The following CRAMP1 variants were observed in gnomAD, a reference collection of about 807,000 sequenced individuals.
CRAMP1 encodes the protein protein cramped-like.
Under a neutral mutation model 115.4 loss-of-function variants are expected in CRAMP1, and 50 were observed. That is an observed-to-expected ratio of 0.43 (90% CI 0.35 to 0.55). The LOEUF (loss-of-function observed/expected upper bound fraction) is 0.55. Ranked by LOEUF, CRAMP1 falls within the 20% of genes least tolerant of loss-of-function variation. CRAMP1 has a pLI of 0.01. For missense variants in CRAMP1, 1,679 were observed against 1,721.7 expected (o/e 0.98, Z 0.44); for synonymous variants, 866 against 745.4 (o/e 1.16, Z -2.64).
chr16:1,625,034 G>T (rs759521041), intron 2 of CRAMP1, among the ~76,000 whole-genome samples: 4 of 152,216 alleles, frequency 2.6e-5, no homozygotes, highest in South Asian at 4.1e-4. Flanking sequence ...GCCAGTTTTT[G>T]ATTTTTAAAG....
intron 4 of CRAMP1, among the ~76,000 whole-genome samples, chr16:1,633,342 C>A (rs571852657): frequency 6.6e-6 from 1 of 152,248 alleles, no homozygotes; most frequent in Admixed American, 6.5e-5. Flanking sequence ...CTGCCCACCA[C>A]GCAGCTAGCT....
At chr16:1,652,926 A>C (rs2036737190) in intron 7 of CRAMP1, 107 bp from the exon 8 acceptor site, 13 of 1,359,464 alleles carry the variant, frequency 9.6e-6, no homozygotes, top group Non-Finnish European at 1.3e-5. Flanking sequence ...CTCTGTTTGC[A>C]AGGCCATCTG....
At chr16:1,673,178 C>T (rs1328122070) in intron 20 of CRAMP1, among the ~76,000 whole-genome samples, 3 of 151,960 alleles carry the variant, frequency 2.0e-5, no homozygotes, top group Non-Finnish European at 4.4e-5. Context: ...AACGTGTCCC[C>T]CACCTGTCCT....
At chr16:1,663,588 A>G (rs981857449) in intron 13 of CRAMP1, among the ~76,000 whole-genome samples, 1 of 152,184 alleles carries the variant, frequency 6.6e-6, no homozygotes, top group Non-Finnish European at 1.5e-5. Context: ...AACTTTATAG[A>G]TAGAGAATTC....
At chr16:1,667,545 G>C (rs1032352817) in intron 17 of CRAMP1, 145 bp downstream of exon 17, 1 of 680,914 alleles carries the variant, frequency 1.5e-6, no homozygotes, top group Non-Finnish European at 2.6e-6. Context: ...CTGCTGTGCC[G>C]ACTGCCCAGG....
intron 3 of CRAMP1, among the ~76,000 whole-genome samples, chr16:1,630,718 T>C (rs1379109431): frequency 6.6e-6 from 1 of 152,190 alleles, no homozygotes; most frequent in Admixed American, 6.5e-5. Context: ...GGGTTTTTGT[T>C]TTTTGTTTGC....
chr16:1,625,370 A>G (rs192670258), intron 2 of CRAMP1, among the ~76,000 whole-genome samples: 25 of 152,230 alleles, frequency 1.6e-4, no homozygotes, highest in Middle Eastern at 3.4e-3. Context: ...AACTGATGCT[A>G]TAATAGGATT....
Position 1,673,865 on chromosome 16 carries a change from TCTC to T in CRAMP1, c.3646-12_3646-10del. 2 of 1,613,426 alleles carry T rather than the reference TCTC, an allele frequency of 1.2e-6. No homozygotes were observed. Among genetic ancestry groups the T allele is most frequent in the Non-Finnish European group, 1.7e-6 (2 of 1,179,598 alleles). On this transcript the variant is annotated splice_polypyrimidine_tract_variant and intron_variant, in intron 20 of 20. Coordinates refer to ENST00000397412, the MANE Select transcript of CRAMP1 (RefSeq NM_020825.4). Reference sequence around the variant, plus strand: ...AGGTCGCGGTGACTTGTTCTTCCTGTCTCCTCTTCCTGCAGGTTGTGGATTCCC... The same window carrying T: ...AGGTCGCGGTGACTTGTTCTTCCTGTCTCTTCCTGCAGGTTGTGGATTCCC...
In CRAMP1 at chr16:1,614,101, C is replaced by T. The variant is rs1330931827; in HGVS notation, c.-1-538C>T. ...GGGCAGGTGCGCGGGGCCCGGGAGC[C>T]CCGCGCCTTTCGGGGGGCGGGGAGG... On this transcript the variant is annotated intron_variant, in intron 1 of 20. Coordinates refer to ENST00000397412, the MANE Select transcript of CRAMP1 (RefSeq NM_020825.4). The surrounding 1 kb of genome is among the most constrained non-coding windows in gnomAD (Gnocchi z 4.4). 7.1e-6 allele frequency among the ~76,000 whole-genome samples: 1 copy of T among 141,626 alleles called. No individual in the cohort carries two copies. 92.9% of individuals were successfully genotyped at this position (141,626 alleles called of 152,430 possible). A position where few individuals can be genotyped will look rare whatever the true frequency, so the allele number is the denominator to read the frequency against.
chr16:1,613,160 T>C (rs150653898), intron 1 of CRAMP1, among the ~76,000 whole-genome samples: 2 of 152,034 alleles, frequency 1.3e-5, no homozygotes, highest in African/African-American at 2.4e-5. Flanking sequence ...AGAGGTGGGT[T>C]GAGGGGGAAG....
rs2142202012 is a variant in CRAMP1 at position 1,660,071 on chromosome 16, T to C, written c.2413+8T>C. On this transcript the variant is annotated splice_region_variant and intron_variant, in intron 11 of 20. Coordinates refer to ENST00000397412, the MANE Select transcript of CRAMP1 (RefSeq NM_020825.4). ...CTGCACCCTGCTCCTCAGGTGAGGCTGTGGCAGCCACACTCCTTGTGCCTG... is the reference window on the plus strand; with the variant it reads ...CTGCACCCTGCTCCTCAGGTGAGGCCGTGGCAGCCACACTCCTTGTGCCTG... 1 of 1,544,074 alleles carries C rather than the reference T, an allele frequency of 6.5e-7. No individual in the cohort carries two copies. Among genetic ancestry groups the C allele is most frequent in the Admixed American group, 2.1e-5 (1 of 48,742 alleles).
Position 1,674,221 on chromosome 16 carries a change from A to G in CRAMP1, c.*176A>G, listed in dbSNP as rs1017382459. 19 of 638,162 alleles carry G rather than the reference A, an allele frequency of 3.0e-5. No homozygotes were observed. The highest frequency in any genetic ancestry group is 5.9e-5 in the South Asian group (3 of 51,090). 39.5% of individuals were successfully genotyped at this position (638,162 alleles called of 1,614,324 possible). ...GCAGCAGGCAACGGCGTCCAAGGAG[A>G]CTAGGATGAGTTCTTGGCAAGGGCC... On this transcript the variant is annotated 3_prime_UTR_variant, in exon 21 of 21. Transcript: ENST00000397412.
chr16:1,647,303 C>T (rs983208186), intron 6 of CRAMP1, among the ~76,000 whole-genome samples: 4 of 152,198 alleles, frequency 2.6e-5, no homozygotes, highest in Admixed American at 6.5e-5. Flanking sequence ...AAGTTTATCA[C>T]GTGCTTATTA....
intron 18 of CRAMP1, among the ~76,000 whole-genome samples, chr16:1,668,771 A>G (rs1473015391): frequency 6.6e-6 from 1 of 152,144 alleles, no homozygotes; most frequent in Non-Finnish European, 1.5e-5. Flanking sequence ...GAGATGACTC[A>G]TGTGCAACCC....
chr16:1,615,123 G>A, intron 2 of CRAMP1, 138 bp downstream of exon 2: 1 of 423,490 alleles, frequency 2.4e-6, no homozygotes. Context: ...AATTTGGGTG[G>A]CACTTATGGG....
rs1029473214 is a variant in CRAMP1, at chr16:1,674,353, G to A, written c.*308G>A. 8.3e-6 allele frequency: 3 copies of A among 359,676 alleles called. No homozygotes were observed. Among genetic ancestry groups the A allele is most frequent in the Non-Finnish European group, 1.5e-5 (3 of 194,956 alleles). The allele number at this position is 359,676 out of a possible 1,614,324, so 22.3% of individuals were successfully genotyped here. Reference sequence around the variant, plus strand: ...CAGCCTGTGCTCTGCCTCGATTGTTGTGTTGGACATTCCGGTGGCATTTCC... The same window carrying A: ...CAGCCTGTGCTCTGCCTCGATTGTTATGTTGGACATTCCGGTGGCATTTCC... On this transcript the variant is annotated 3_prime_UTR_variant, in exon 21 of 21. Transcript: ENST00000397412.
chr16:1,614,278 CA>C lies in CRAMP1; in HGVS notation c.-1-360del. On this transcript the variant is annotated intron_variant, in intron 1 of 20. Coordinates refer to ENST00000397412, the MANE Select transcript of CRAMP1 (RefSeq NM_020825.4). This position sits in a 1 kb window ranked among gnomAD's most constrained non-coding sequence, Gnocchi z 4.4. ...AGCGGCCCGGACCCGCAACCGTGCC[CA>C]GACCCGCGCCCGCGCCGGGGCTCCC... 6.9e-6 allele frequency among the ~76,000 whole-genome samples: 1 copy of C among 145,376 alleles called. No individual in the cohort carries two copies. Among genetic ancestry groups the C allele is most frequent in the South Asian group, 2.1e-4 (1 of 4,762 alleles).
chr16:1,640,515 C>T (rs949790305), intron 5 of CRAMP1, among the ~76,000 whole-genome samples: 3 of 152,078 alleles, frequency 2.0e-5, no homozygotes, highest in African/African-American at 7.2e-5. Flanking sequence ...AAGAATTTTA[C>T]AGTGAACAGC....
chr16:1,614,531 G>C lies in CRAMP1; in HGVS notation c.-1-108G>C, dbSNP rs2036399518. The C allele has an allele frequency of 8.2e-6, 5 of 607,052 alleles. No individual in the cohort carries two copies. Among genetic ancestry groups the C allele is most frequent in the Non-Finnish European group, 1.1e-5 (5 of 441,658 alleles). The allele number at this position is 607,052 out of a possible 1,614,324, so 37.6% of individuals were successfully genotyped here. A position where few individuals can be genotyped will look rare whatever the true frequency, so the allele number is the denominator to read the frequency against. On this transcript the variant is annotated intron_variant, in intron 1 of 20. Transcript: ENST00000397412. The surrounding 1 kb of genome is among the most constrained non-coding windows in gnomAD (Gnocchi z 4.4). ...CGGGCGGGCCGGGCCGAGCCGCCGA[G>C]AGGGGATTTGGAACAAACAACGGCG...
Sources: allele counts gnomAD v4.1 joint callset (sites outside exome capture counted in the v4.1 genomes callset), GRCh38; gene constraint gnomAD v4.1.1; non-coding constraint Gnocchi (gnomAD v3.1); transcripts MANE v1.5; gene names NCBI Gene and HGNC (gene_info 2026-07-23, HGNC 2026-07-21).